The following DNMBP variants were observed in gnomAD, a reference collection of about 807,000 sequenced individuals.
DNMBP encodes the protein dynamin binding protein.
A neutral mutation model predicts 150.0 loss-of-function variants in DNMBP; 87 were observed. The observed-to-expected ratio is 0.58, with a 90% CI of 0.49 to 0.69. The LOEUF (loss-of-function observed/expected upper bound fraction) is 0.69, where lower values mean the gene tolerates loss of function less well. Among genes scored for constraint, DNMBP ranks in the 30% least tolerant of loss-of-function variants. The pLI, the probability that DNMBP is intolerant of heterozygous loss-of-function variation, is 0.00. For missense variants in DNMBP, 1,774 were observed against 1,949.0 expected, an observed-to-expected ratio of 0.91 and a Z score of 1.69; for synonymous variants, 711 against 750.4, an observed-to-expected ratio of 0.95 and a Z score of 0.86.
At chr10:99,951,728 C>T (rs2040424885) in intron 4 of DNMBP, among the ~76,000 whole-genome samples, 1 of 152,228 alleles carries the variant, frequency 6.6e-6, no homozygotes, top group Admixed American at 6.5e-5. Flanking sequence ...CCTGTATCCC[C>T]ATTGTTTCTA....
chr10:99,936,558 A>G (rs1309022836), intron 4 of DNMBP, among the ~76,000 whole-genome samples: 2 of 145,530 alleles, frequency 1.4e-5, no homozygotes, highest in Admixed American at 7.1e-5. Flanking sequence ...TCTGTTGCCC[A>G]GGCCGGAGTG....
intron 6 of DNMBP, among the ~76,000 whole-genome samples, chr10:99,905,997 C>G (rs1476929299): frequency 1.3e-5 from 2 of 152,168 alleles, no homozygotes; most frequent in Non-Finnish European, 2.9e-5. Context: ...AGTACCTAAA[C>G]CTCAGAGGGC....
chr10:99,915,130 C>T (rs867637111), intron 4 of DNMBP, among the ~76,000 whole-genome samples: 1,254 of 120,378 alleles, frequency 0.01, 26 homozygotes, highest in African/African-American at 0.039. Flanking sequence ...TATATATATA[C>T]ACACACACAC....
intron 1 of DNMBP, among the ~76,000 whole-genome samples, chr10:99,991,917 A>G (rs1038883836): frequency 1.3e-5 from 2 of 151,320 alleles, no homozygotes; most frequent in Admixed American, 1.3e-4. Flanking sequence ...AAAAAAAAAA[A>G]AAAAAGAAAT....
At chr10:99,990,581 C>T (rs1436556743) in intron 1 of DNMBP, among the ~76,000 whole-genome samples, 1 of 137,332 alleles carries the variant, frequency 7.3e-6, no homozygotes, top group Non-Finnish European at 1.6e-5. Flanking sequence ...GGATTGGTTG[C>T]AAATGACTAA....
At chr10:99,966,879 C>G (rs973030266) in intron 3 of DNMBP, among the ~76,000 whole-genome samples, 2 of 151,942 alleles carry the variant, frequency 1.3e-5, no homozygotes, top group Non-Finnish European at 2.9e-5. Flanking sequence ...CTCCTGGGCT[C>G]AGGCTCCTGC....
At chr10:99,902,557 G>A (rs1264981428) in intron 6 of DNMBP, among the ~76,000 whole-genome samples, 1 of 144,550 alleles carries the variant, frequency 6.9e-6, no homozygotes, top group African/African-American at 2.6e-5. Flanking sequence ...TGATCCGCCC[G>A]TCTCAGCCTC....
intron 4 of DNMBP, among the ~76,000 whole-genome samples, chr10:99,914,856 C>A (rs1403761816): frequency 6.6e-6 from 1 of 151,706 alleles, no homozygotes; most frequent in Non-Finnish European, 1.5e-5. Context: ...CCCTGGGAGG[C>A]CGAGATGGGT....
chr10:99,961,093 G>A (rs1257916739), intron 3 of DNMBP, among the ~76,000 whole-genome samples: 1 of 151,512 alleles, frequency 6.6e-6, no homozygotes, highest in Non-Finnish European at 1.5e-5. Context: ...TATCTCAAGA[G>A]TCTGGTATGA....
Position 99,969,135 on chromosome 10 carries a change from T to C in DNMBP, c.248A>G (p.Asp83Gly). ...CTTACCTCGATGGAGGGGAAGATTA[T>C]CCAACTCTTGGGATGTGAATTCACA... ...CICEFTSQEL[D>G]NLPLHRGDLV... The change falls in exon 3 of 17, where the codon GAT becomes GGT. Residue 83 changes from aspartate (D) to glycine (G), a missense_variant. Coordinates refer to ENST00000324109, the MANE Select transcript of DNMBP (RefSeq NM_015221.4). The C allele has an allele frequency of 7.4e-6, 12 of 1,614,140 alleles. No homozygotes were observed. Among genetic ancestry groups the C allele is most frequent in the Non-Finnish European group, 1.0e-5 (12 of 1,180,010 alleles).
chr10:99,963,406 G>A (rs903187867), intron 3 of DNMBP, among the ~76,000 whole-genome samples: 5 of 150,954 alleles, frequency 3.3e-5, no homozygotes, highest in African/African-American at 4.9e-5. Context: ...TTACTGAACC[G>A]TAAGTCTCTG....
rs144089316 is a variant in DNMBP at position 99,996,506 on chromosome 10, C to T, written c.-11+13332G>A. ...CTGCAATCCAGCCTGAGTGACAAAGCGAGACTCCAACTAAATTAAAAAAAT... is the reference window on the plus strand; with the variant it reads ...CTGCAATCCAGCCTGAGTGACAAAGTGAGACTCCAACTAAATTAAAAAAAT... On this transcript the variant is annotated intron_variant, in intron 1 of 16. Transcript: ENST00000324109. Among the ~76,000 whole-genome samples, 725 of 152,142 alleles carry T rather than the reference C, an allele frequency of 4.8e-3. 8 individuals are homozygous for T. The highest frequency in any genetic ancestry group is 0.016 in the African/African-American group (672 of 41,494).
At chr10:100,008,986 G>A (rs1317166964) in intron 1 of DNMBP, among the ~76,000 whole-genome samples, 1 of 152,178 alleles carries the variant, frequency 6.6e-6, no homozygotes, top group Non-Finnish European at 1.5e-5. Flanking sequence ...CATTAGTTAT[G>A]AAAGTGTTTT....
At chr10:99,913,363 CA>C (rs931058524) in intron 4 of DNMBP, among the ~76,000 whole-genome samples, 14 of 152,102 alleles carry the variant, frequency 9.2e-5, no homozygotes, top group Admixed American at 2.0e-4. Flanking sequence ...GGTAATAACC[CA>C]ACAAACATAA....
intron 4 of DNMBP, chr10:99,930,595 G>A (rs1447897170): frequency 2.8e-6 from 2 of 702,758 alleles, no homozygotes; most frequent in African/African-American, 3.5e-5. Context: ...GGCTGATGCT[G>A]TCCCTTGGCC....
intron 4 of DNMBP, among the ~76,000 whole-genome samples, chr10:99,915,108 A>AAAAATATATATATAT (rs10654940): frequency 1.7e-4 from 17 of 99,790 alleles, no homozygotes; most frequent in African/African-American, 6.2e-4. Context: ...AAAAAAAAAA[A>AAAAATATATATATAT]ATATATATAT....
intron 4 of DNMBP, chr10:99,929,539 G>A (rs2040121666): frequency 6.6e-6 from 4 of 604,850 alleles, no homozygotes; most frequent in African/African-American, 1.9e-5. Flanking sequence ...AGTGCTCCTA[G>A]TACCTGGTAT....
chr10:99,898,795 G>A (rs1250941121), intron 7 of DNMBP, 35 bp from the exon 8 acceptor site: 12 of 1,593,648 alleles, frequency 7.5e-6, no homozygotes, highest in Non-Finnish European at 1.0e-5. Flanking sequence ...AAAAGAGACA[G>A]TTTATTAGAG....
chr10:99,969,597 T>C (rs2040654715), intron 2 of DNMBP, among the ~76,000 whole-genome samples: 1 of 152,202 alleles, frequency 6.6e-6, no homozygotes, highest in South Asian at 2.1e-4. Context: ...TATCATAACG[T>C]AAGTACACAA....
Sources: gnomAD v4.1 joint callset for allele counts (sites outside exome capture counted in the v4.1 genomes callset) on GRCh38, gnomAD v4.1.1 for gene constraint, MANE v1.5 for transcripts, NCBI Gene and HGNC (gene_info 2026-07-23, HGNC 2026-07-21) for gene names.